Variants in MCPH1 observed in about 807,000 individuals in gnomAD.
MCPH1 encodes the protein microcephalin.
Under a neutral mutation model 84.5 loss-of-function variants are expected in MCPH1, and 104 were observed. That is an observed-to-expected ratio of 1.23 (90% confidence interval 1.05 to 1.45). The LOEUF (loss-of-function observed/expected upper bound fraction) is 1.45. MCPH1 is among the 40% of genes most tolerant of loss of function. MCPH1 has a pLI of 0.00. For missense variants in MCPH1, 1,498 were observed against 1,005.7 expected, an observed-to-expected ratio of 1.49 and a Z score of -6.62; for synonymous variants, 514 against 366.8, an observed-to-expected ratio of 1.40 and a Z score of -4.58.
intron 12 of MCPH1, among the ~76,000 whole-genome samples, chr8:6,536,949 A>T (rs190204140): frequency 6.6e-6 from 1 of 150,428 alleles, no homozygotes; most frequent in East Asian, 2.0e-4. Flanking sequence ...TTCCATTCTA[A>T]GTATAAGGAA....
chr8:6,591,016 A>C (rs753048437), intron 12 of MCPH1, among the ~76,000 whole-genome samples: 2 of 152,236 alleles, frequency 1.3e-5, no homozygotes, highest in Non-Finnish European at 2.9e-5. Context: ...ATTCTGCCTC[A>C]GCCTCCCGAG....
chr8:6,530,811 A>C (rs781386489), intron 12 of MCPH1, among the ~76,000 whole-genome samples: 4 of 152,154 alleles, frequency 2.6e-5, no homozygotes, highest in Non-Finnish European at 2.9e-5. Context: ...ACCTCATCCA[A>C]CCATTTTTAG....
intron 3 of MCPH1, among the ~76,000 whole-genome samples, chr8:6,421,886 T>C (rs1473701457): frequency 6.6e-6 from 1 of 152,224 alleles, no homozygotes; most frequent in Non-Finnish European, 1.5e-5. Flanking sequence ...GGCTACACTC[T>C]TTCTGCCTTT....
intron 8 of MCPH1, chr8:6,445,889 G>A (rs1804290077): frequency 9.6e-7 from 1 of 1,036,504 alleles, no homozygotes; most frequent in Non-Finnish European, 1.2e-6. Context: ...TGCAGCGTGT[G>A]TAAAGATGTA....
At chr8:6,583,356 T>C (rs1285298126) in intron 12 of MCPH1, among the ~76,000 whole-genome samples, 3 of 152,152 alleles carry the variant, frequency 2.0e-5, no homozygotes, top group Non-Finnish European at 1.5e-5. Context: ...ATGTTATAAA[T>C]AATACACAAA....
At chr8:6,419,764 G>T (rs979164099) in intron 3 of MCPH1, among the ~76,000 whole-genome samples, 6 of 152,034 alleles carry the variant, frequency 3.9e-5, no homozygotes, top group African/African-American at 1.5e-4. Flanking sequence ...CTCTCAAAGT[G>T]CTGGGATTAC....
intron 12 of MCPH1, among the ~76,000 whole-genome samples, chr8:6,550,477 G>A (rs933784073): frequency 4.6e-5 from 7 of 152,192 alleles, no homozygotes; most frequent in East Asian, 3.9e-4. Context: ...CCTCCCCTCC[G>A]GGGTGAAGCG....
Position 6,442,287 on chromosome 8 carries a change from C to T in MCPH1, c.670+131C>T, listed in dbSNP as rs191216481. On this transcript the variant is annotated intron_variant, in intron 7 of 13. Transcript: ENST00000344683. The stretch of plus-strand genomic sequence containing the variant: ...TTAAAACTAGAACTTCTAAATTTCC[C>T]CCTGAAATTAGGTATTATAATAAAA... 44 of 658,342 alleles carry T rather than the reference C, an allele frequency of 6.7e-5. No individual in the cohort carries two copies. The East Asian group carries it at 1.0e-3, about 15-fold the overall frequency. The allele number at this position is 658,342 out of a possible 1,614,324, so 40.8% of individuals were successfully genotyped here. A position where few individuals can be genotyped will look rare whatever the true frequency, so the allele number is the denominator to read the frequency against.
intron 12 of MCPH1, among the ~76,000 whole-genome samples, chr8:6,613,132 C>T (rs1053462111): frequency 1.3e-5 from 2 of 152,168 alleles, no homozygotes; most frequent in Admixed American, 1.3e-4. Context: ...AGGCCTGCAG[C>T]AGGTGCCGGG....
At chr8:6,632,929 A>G (rs1797274516) in intron 13 of MCPH1, among the ~76,000 whole-genome samples, 1 of 152,238 alleles carries the variant, frequency 6.6e-6, no homozygotes, top group Non-Finnish European at 1.5e-5. Context: ...ATGAAAGGAT[A>G]AATGAATAGC....
At chr8:6,471,580 A>G (rs971784904) in intron 9 of MCPH1, among the ~76,000 whole-genome samples, 1 of 152,184 alleles carries the variant, frequency 6.6e-6, no homozygotes, top group Non-Finnish European at 1.5e-5. Flanking sequence ...TAAAATAGCA[A>G]CAATACTGTA....
intron 12 of MCPH1, among the ~76,000 whole-genome samples, chr8:6,504,726 G>T (rs533315622): frequency 6.6e-6 from 1 of 152,254 alleles, no homozygotes; most frequent in African/African-American, 2.4e-5. Context: ...TTATATCCAT[G>T]AAATTGGAAG....
Position 6,445,497 on chromosome 8 carries a change from T to C in MCPH1, c.1775T>C (p.Met592Thr). ...CCATGTTTTATAGTTGACTGTAACATGGAGACGTCTACAGAAGAGAAGGAA... is the reference window on the plus strand; with the variant it reads ...CCATGTTTTATAGTTGACTGTAACACGGAGACGTCTACAGAAGAGAAGGAA... ...HEPCFIVDCN[M>T]ETSTEEKENL... Residue 592 changes from methionine (M) to threonine (T), a missense_variant, in exon 8 of 14, where the codon ATG (methionine) becomes ACG (threonine). Met to Thr is a moderately conservative substitution (Grantham distance 81). Transcript: ENST00000344683. The C allele has an allele frequency of 6.8e-6, 11 of 1,613,400 alleles. No individual in the cohort carries two copies. Among genetic ancestry groups the C allele is most frequent in the South Asian group, 3.3e-5 (3 of 90,944 alleles).
intron 12 of MCPH1, among the ~76,000 whole-genome samples, chr8:6,531,237 C>G (rs978507426): frequency 1.3e-5 from 2 of 151,314 alleles, no homozygotes; most frequent in African/African-American, 4.9e-5. Flanking sequence ...GAATTTTCTT[C>G]TTTTGAAATT....
intron 12 of MCPH1, among the ~76,000 whole-genome samples, chr8:6,538,429 A>G (rs1586476547): frequency 1.3e-5 from 2 of 152,306 alleles, no homozygotes; most frequent in East Asian, 3.9e-4. Context: ...TGGTGACCGC[A>G]GCTCACTTTC....
intron 12 of MCPH1, among the ~76,000 whole-genome samples, chr8:6,516,367 AG>A (rs1457215332): frequency 6.6e-6 from 1 of 152,172 alleles, no homozygotes; most frequent in African/African-American, 2.4e-5. Context: ...GATTTAGCAA[AG>A]TTCGATTTTG....
At chr8:6,446,203 T>G in intron 8 of MCPH1, 1 of 910,538 alleles carries the variant, frequency 1.1e-6, no homozygotes, top group Non-Finnish European at 1.3e-6. Flanking sequence ...CCATATCATT[T>G]TATTAAAAGT....
chr8:6,550,286 A>T (rs1407428628), intron 12 of MCPH1, among the ~76,000 whole-genome samples: 2 of 151,984 alleles, frequency 1.3e-5, no homozygotes, highest in African/African-American at 4.8e-5. Context: ...GGGAGGTTGA[A>T]TCCCCGGGGC....
chr8:6,594,507 A>T (rs1199862000), intron 12 of MCPH1, among the ~76,000 whole-genome samples: 3 of 152,248 alleles, frequency 2.0e-5, no homozygotes, highest in African/African-American at 7.2e-5. Flanking sequence ...CCTTGATCAT[A>T]TCCAGTGAAT....
Sources: gnomAD v4.1 joint callset for allele counts (sites outside exome capture counted in the v4.1 genomes callset) on GRCh38, gnomAD v4.1.1 for gene constraint, MANE v1.5 for transcripts, NCBI Gene and HGNC (gene_info 2026-07-23, HGNC 2026-07-21) for gene names.